The following PRKAR1A variants were observed in gnomAD, a reference collection of about 807,000 sequenced individuals.
The protein encoded by PRKAR1A is protein kinase cAMP-dependent type I regulatory subunit alpha.
PRKAR1A carries 3 observed loss-of-function variants against 52.0 expected under a neutral mutation model. The observed-to-expected ratio is 0.06, with a 90% CI of 0.03 to 0.15. The LOEUF is 0.15. Among genes scored for constraint, PRKAR1A ranks in the 10% least tolerant of loss-of-function variants. The pLI, the probability that PRKAR1A is intolerant of heterozygous loss-of-function variation, is 1.00. For synonymous variants in PRKAR1A, 188 were observed against 168.4 expected, an observed-to-expected ratio of 1.12 and a Z score of -0.90; for missense variants, 240 against 477.4, an observed-to-expected ratio of 0.50 and a Z score of 4.63.
upstream of PRKAR1A, among the ~76,000 whole-genome samples, chr17:68,510,776 TC>T (rs1266630113): frequency 6.6e-6 from 1 of 152,146 alleles, no homozygotes; most frequent in African/African-American, 2.4e-5. Flanking sequence ...CCTTTTCCAT[TC>T]CCCCCTGTAA....
the PRKAR1A span, among the ~76,000 whole-genome samples, chr17:68,497,714 G>T: frequency 2.0e-5 from 3 of 152,204 alleles, no homozygotes; most frequent in African/African-American, 7.2e-5. Flanking sequence ...CTGAAGCTTA[G>T]ATGGATCAAG....
chr17:68,431,733 A>T, the PRKAR1A span, among the ~76,000 whole-genome samples: 1 of 152,300 alleles, frequency 6.6e-6, no homozygotes, highest in African/African-American at 2.4e-5. Flanking sequence ...GGCACGTGTG[A>T]GCCGTAACCG....
In PRKAR1A at chr17:68,539,893, G is replaced by A. The variant is rs377240666; in HGVS notation, c.973+9892G>A. ...CACGTGGGGAAGCTCACCCTCTGGC[G>A]TTGTCAAGGTGAATAAGGAACCCAT... is the stretch of plus-strand genomic sequence containing the variant. On this transcript the variant is annotated intron_variant, in intron 11 of 11. Coordinates refer to the PRKAR1A transcript ENST00000585981. 8.7e-6 allele frequency: 14 copies of A among 1,613,980 alleles called. No homozygotes were observed. The highest frequency in any genetic ancestry group is 6.7e-5 in the African/African-American group (5 of 74,926).
chr17:68,501,205 C>G, the PRKAR1A span, among the ~76,000 whole-genome samples: 4 of 152,230 alleles, frequency 2.6e-5, no homozygotes, highest in Non-Finnish European at 5.9e-5. Context: ...CAGCATCTGT[C>G]TGCTTCTCAG....
At chr17:68,546,373 C>T (rs917196811) in intron 11 of PRKAR1A, among the ~76,000 whole-genome samples, 2 of 151,932 alleles carry the variant, frequency 1.3e-5, no homozygotes, top group Non-Finnish European at 2.9e-5. Context: ...CTTTTAAACT[C>T]CTGTTAATGT....
At chr17:68,542,170 A>G in intron 11 of PRKAR1A, 1 of 1,613,432 alleles carries the variant, frequency 6.2e-7, no homozygotes, top group Non-Finnish European at 8.5e-7. Flanking sequence ...TGCTCGCTGG[A>G]GGATGGGGAG....
chr17:68,464,031 G>C, the PRKAR1A span, among the ~76,000 whole-genome samples: 3 of 152,164 alleles, frequency 2.0e-5, no homozygotes, highest in Non-Finnish European at 2.9e-5. Flanking sequence ...ACTACTTCAT[G>C]TGGGAACCTG....
chr17:68,492,421 G>A, the PRKAR1A span, among the ~76,000 whole-genome samples: 24 of 152,218 alleles, frequency 1.6e-4, no homozygotes, highest in East Asian at 1.9e-4. Flanking sequence ...CGAGCCAGCC[G>A]TCAGGGTGAG....
chr17:68,544,012 A>G (rs1212766865), intron 11 of PRKAR1A, among the ~76,000 whole-genome samples: 1 of 152,162 alleles, frequency 6.6e-6, no homozygotes, highest in East Asian at 1.9e-4. Context: ...TTCAAAACCC[A>G]GCAGTTGAGA....
the PRKAR1A span, among the ~76,000 whole-genome samples, chr17:68,470,517 A>G: frequency 3.3e-5 from 5 of 152,234 alleles, no homozygotes; most frequent in African/African-American, 1.2e-4. Context: ...TTGTCTTTGA[A>G]CTACATTATC....
chr17:68,486,581 C>T, the PRKAR1A span, among the ~76,000 whole-genome samples: 2 of 139,022 alleles, frequency 1.4e-5, no homozygotes, highest in Admixed American at 1.6e-4. Context: ...TCTTTCCTTC[C>T]TTCCTTCCTT....
At chr17:68,446,769 C>T in the PRKAR1A span, among the ~76,000 whole-genome samples, 2 of 152,224 alleles carry the variant, frequency 1.3e-5, no homozygotes, top group Non-Finnish European at 2.9e-5. Flanking sequence ...CTCCTAGAAA[C>T]AGCATCTACA....
chr17:68,453,511 C>T, the PRKAR1A span, among the ~76,000 whole-genome samples: 1 of 147,110 alleles, frequency 6.8e-6, no homozygotes, highest in African/African-American at 2.5e-5. Flanking sequence ...GGGAGTCTCG[C>T]TCTGTCACCC....
chr17:68,548,742 T>C (rs1177828636), intron 11 of PRKAR1A, among the ~76,000 whole-genome samples: 1 of 143,484 alleles, frequency 7.0e-6, no homozygotes, highest in Non-Finnish European at 1.5e-5. Flanking sequence ...TTTTTTTTTT[T>C]TTTTTTTTGA....
Position 68,524,978 on chromosome 17 carries a change from A to G in PRKAR1A, c.549+20A>G, listed in dbSNP as rs981055703. ...ACGGATGTAAGATTTACCAATATCA[A>G]AAATATGTTGATCTTAAAAGCCAAT... is the stretch of plus-strand genomic sequence containing the variant. On this transcript the variant is annotated intron_variant, in intron 6 of 10. Coordinates refer to ENST00000589228, the MANE Select transcript of PRKAR1A (RefSeq NM_002734.5). 4.4e-6 allele frequency: 7 copies of G among 1,586,676 alleles called. No homozygotes were observed. In the African/African-American group the frequency reaches 8.1e-5, roughly 18 times the overall value.
the PRKAR1A span, among the ~76,000 whole-genome samples, chr17:68,466,481 G>A: frequency 1.4e-5 from 2 of 142,516 alleles, no homozygotes; most frequent in African/African-American, 5.3e-5. Flanking sequence ...GTGCGATCTC[G>A]GCTCCCTGCA....
intron 4 of PRKAR1A, 86 bp downstream of exon 4, chr17:68,523,902 C>G: frequency 6.4e-7 from 1 of 1,572,728 alleles, no homozygotes; most frequent in Non-Finnish European, 8.7e-7. Context: ...AGTTTTAGAG[C>G]TCTTAGTAAT....
intron 11 of PRKAR1A, chr17:68,542,231 C>G (rs994152711): frequency 2.6e-6 from 4 of 1,560,420 alleles, no homozygotes; most frequent in Non-Finnish European, 2.6e-6. Context: ...TCTTCCTGGC[C>G]TAGGAAATCC....
downstream of PRKAR1A, chr17:68,537,047 A>G (rs760322499): frequency 2.2e-6 from 1 of 456,560 alleles, no homozygotes; most frequent in Non-Finnish European, 4.4e-6. This position sits in a 1 kb window ranked among gnomAD's most constrained non-coding sequence, Gnocchi z 4.2. Context: ...TCAGCTTGTG[A>G]TAGGCCAGGT....
Sources: allele counts gnomAD v4.1 joint callset (sites outside exome capture counted in the v4.1 genomes callset), GRCh38; gene constraint gnomAD v4.1.1; non-coding constraint Gnocchi (gnomAD v3.1); transcripts MANE v1.5; gene names NCBI Gene and HGNC (gene_info 2026-07-23, HGNC 2026-07-21).